ABHD17B: variants seen among roughly 807,000 people sequenced by gnomAD.
ABHD17B encodes abhydrolase domain containing 17B, depalmitoylase, also known as alpha/beta hydrolase domain-containing protein 17B.
Under a neutral mutation model 26.2 loss-of-function variants are expected in ABHD17B, and 9 were observed. That is an observed-to-expected ratio of 0.34 (90% confidence interval 0.21 to 0.60). The LOEUF (loss-of-function observed/expected upper bound fraction) is 0.60, where lower values mean the gene tolerates loss of function less well. Ranked by LOEUF, ABHD17B falls within the 20% of genes least tolerant of loss-of-function variation. The pLI, the probability that ABHD17B is intolerant of heterozygous loss-of-function variation, is 0.80. For synonymous variants in ABHD17B, 127 were observed against 122.3 expected (o/e 1.04, Z -0.25); for missense variants, 224 against 352.1 (o/e 0.64, Z 2.91).
chr9:71,909,678 T>G (rs545111264), intron 1 of ABHD17B, among the ~76,000 whole-genome samples: 20 of 152,306 alleles, frequency 1.3e-4, no homozygotes, highest in African/African-American at 3.8e-4. Context: ...CATCTATAGA[T>G]CAAGCATCAT....
At chr9:71,886,063 GT>G (rs1826599418) in intron 1 of ABHD17B, among the ~76,000 whole-genome samples, 1 of 152,140 alleles carries the variant, frequency 6.6e-6, no homozygotes, top group Non-Finnish European at 1.5e-5. Flanking sequence ...TAGATTTCAT[GT>G]TAAGAACTAT....
intron 1 of ABHD17B, among the ~76,000 whole-genome samples, chr9:71,887,389 G>A (rs1468413450): frequency 6.6e-6 from 1 of 152,152 alleles, no homozygotes; most frequent in Admixed American, 6.6e-5. Flanking sequence ...TCTATAAGCT[G>A]TGCCAAGCAA....
intron 1 of ABHD17B, among the ~76,000 whole-genome samples, chr9:71,882,214 TAA>T (rs973804820): frequency 1.3e-5 from 2 of 152,154 alleles, no homozygotes; most frequent in Admixed American, 6.5e-5. Flanking sequence ...CTCAAAAACT[TAA>T]AGAGTTGCCA....
intron 1 of ABHD17B, among the ~76,000 whole-genome samples, chr9:71,891,202 AC>A (rs1293197733): frequency 6.6e-6 from 1 of 152,212 alleles, no homozygotes; most frequent in Non-Finnish European, 1.5e-5. Context: ...AAAAGTGTCT[AC>A]CAATCTGATT....
chr9:71,910,456 G>C (rs1827427188), intron 1 of ABHD17B, among the ~76,000 whole-genome samples, 178 bp downstream of exon 1: 1 of 152,150 alleles, frequency 6.6e-6, no homozygotes, highest in African/African-American at 2.4e-5. Context: ...CCGATGAGGA[G>C]TGGCTTCCCC....
At position 71,910,643 on chromosome 9, in the gene ABHD17B, A is replaced by T. The variant is rs1827437986; in HGVS notation, c.-13T>A. Reference sequence around the variant, plus strand: ...CCGAGGCCGCACGCACCTGCACCTGAGCGGCCCGGGCCGAAGCGCCGGGCA... The same window carrying T: ...CCGAGGCCGCACGCACCTGCACCTGTGCGGCCCGGGCCGAAGCGCCGGGCA... On this transcript the variant is annotated 5_prime_UTR_variant, in exon 1 of 4. Transcript: ENST00000333421. The T allele has an allele frequency of 6.6e-6, 1 of 151,676 alleles. No individual in the cohort carries two copies. Among genetic ancestry groups the T allele is most frequent in the Non-Finnish European group, 1.5e-5 (1 of 67,924 alleles). 9.4% of individuals were successfully genotyped at this position (151,676 alleles called of 1,614,324 possible).
At chr9:71,864,044 C>T (rs1042590913), downstream of ABHD17B, among the ~76,000 whole-genome samples, 5 of 151,996 alleles carry the variant, frequency 3.3e-5, no homozygotes, top group Non-Finnish European at 7.4e-5. Context: ...CTGACTTACA[C>T]GTTATTTCCA....
At chr9:71,868,371 C>G (rs1826017613) in intron 3 of ABHD17B, among the ~76,000 whole-genome samples, 1 of 152,080 alleles carries the variant, frequency 6.6e-6, no homozygotes. Context: ...AAGCAGGCAA[C>G]CAAGAATTAT....
chr9:71,874,955 G>C lies in ABHD17B; in HGVS notation c.126C>G (p.Ser42Arg), dbSNP rs780063400. Residue 42 changes from serine (S) to arginine (R), a missense_variant, in exon 2 of 4, where the codon AGC (serine) becomes AGG (arginine). Ser to Arg is a moderately radical substitution (Grantham distance 110). Transcript: ENST00000333421. ...ACAGATGTAAAGTCCAACGGCTTCC[G>C]CTTTCATCACACATCAGTGTGTAAG... ...DPTYTLMCDE[S>R]GSRWTLHLSE... The C allele has an allele frequency of 1.2e-6, 2 of 1,614,052 alleles. No individual in the cohort carries two copies. The highest frequency in any genetic ancestry group is 2.7e-5 in the African/African-American group (2 of 74,918).
chr9:71,875,460 G>A (rs193072016), intron 1 of ABHD17B, among the ~76,000 whole-genome samples: 2 of 151,988 alleles, frequency 1.3e-5, no homozygotes, highest in Non-Finnish European at 2.9e-5. Flanking sequence ...CCTGACCTCA[G>A]GTGATTCACC....
Position 71,867,002 on chromosome 9 carries a change from C to A in ABHD17B, c.652G>T (p.Asp218Tyr). The part of the protein sequence containing the change: ...TYCFDAFPNI[D>Y]KISKITSPVL... ...GGAGAGGTTATCTTAGAGATTTTGT[C>A]AATGCTGCAGGGAAAAAGGAAGGGG... The change falls in exon 4 of 4, where the codon GAC becomes TAC. Residue 218 changes from aspartate to tyrosine, a missense_variant. Coordinates refer to ENST00000333421, the MANE Select transcript of ABHD17B (RefSeq NM_001025780.3). 6.2e-7 allele frequency: 1 copy of A among 1,613,668 alleles called. No homozygotes were observed. Among genetic ancestry groups the A allele is most frequent in the South Asian group, 1.1e-5 (1 of 91,016 alleles).
chr9:71,890,534 T>TA (rs1339700133), intron 1 of ABHD17B, among the ~76,000 whole-genome samples: 2 of 152,250 alleles, frequency 1.3e-5, no homozygotes, highest in Non-Finnish European at 2.9e-5. Context: ...ATTAAGTTTT[T>TA]ATCTATTGGT....
At chr9:71,889,587 C>G (rs1401673054) in intron 1 of ABHD17B, among the ~76,000 whole-genome samples, 2 of 152,064 alleles carry the variant, frequency 1.3e-5, no homozygotes, top group Non-Finnish European at 2.9e-5. Flanking sequence ...TGGTGGGGGA[C>G]AGCTATGCTC....
intron 1 of ABHD17B, among the ~76,000 whole-genome samples, chr9:71,880,297 G>C (rs192845091): frequency 1.4e-3 from 213 of 151,974 alleles, no homozygotes; most frequent in African/African-American, 4.9e-3. Flanking sequence ...ACTTAGAACT[G>C]TAAATAAAAC....
chr9:71,865,509 C>A lies in ABHD17B; in HGVS notation c.*1278G>T. On this transcript the variant is annotated 3_prime_UTR_variant, in exon 4 of 4. Coordinates refer to ENST00000333421, the MANE Select transcript of ABHD17B (RefSeq NM_001025780.3). ...ATTAAACGTATTCTTATCTCCTATA[C>A]CCAGGAGTGAATCCATGAAATTCTC... 1.0e-6 allele frequency: 1 copy of A among 984,106 alleles called. No individual in the cohort carries two copies. Among genetic ancestry groups the A allele is most frequent in the Non-Finnish European group, 1.2e-6 (1 of 828,834 alleles). The allele number at this position is 984,106 out of a possible 1,614,324, so 61.0% of individuals were successfully genotyped here.
At chr9:71,867,603 C>T (rs1393308188) in intron 3 of ABHD17B, among the ~76,000 whole-genome samples, 4 of 151,988 alleles carry the variant, frequency 2.6e-5, no homozygotes, top group African/African-American at 9.7e-5. Context: ...CAACAGAATA[C>T]CCCAGAAAGC....
In ABHD17B at chr9:71,871,972, T is replaced by C. The variant is rs370519707; in HGVS notation, c.468-1710A>G. 9.8e-5 allele frequency among the ~76,000 whole-genome samples: 15 copies of C among 152,344 alleles called. 1 individual carries two copies. The highest frequency in any genetic ancestry group is 5.2e-4 in the Admixed American group (8 of 15,302). On this transcript the variant is annotated intron_variant, in intron 2 of 3. Transcript: ENST00000333421. ...CCAAAAAGGACATTCCAATGTTCAT[T>C]CATCCCAAAAATGAACATTATTTAA...
At chr9:71,898,850 T>A (rs1336958645) in intron 1 of ABHD17B, among the ~76,000 whole-genome samples, 1 of 152,064 alleles carries the variant, frequency 6.6e-6, no homozygotes, top group East Asian at 1.9e-4. Flanking sequence ...AAATTAGGCG[T>A]GGTGGTGCAC....
chr9:71,867,145 C>G lies in ABHD17B; in HGVS notation c.648-139G>C, dbSNP rs2132120141. 3 of 1,090,708 alleles carry G rather than the reference C, an allele frequency of 2.8e-6. No individual in the cohort carries two copies. In the East Asian group the frequency reaches 7.8e-5, roughly 28 times the overall value. 67.6% of individuals were successfully genotyped at this position (1,090,708 alleles called of 1,614,324 possible). On this transcript the variant is annotated intron_variant, in intron 3 of 3. Transcript: ENST00000333421. ...GAAGGTAAGAATGTCTCCTGAATTT[C>G]CAGTAAGATTCAAAAATTGCCTTTT...
Sources: allele counts gnomAD v4.1 joint callset (sites outside exome capture counted in the v4.1 genomes callset), GRCh38; gene constraint gnomAD v4.1.1; transcripts MANE v1.5; gene names NCBI Gene and HGNC (gene_info 2026-07-23, HGNC 2026-07-21).